Variants in PKD2L2 observed in about 807,000 individuals in gnomAD.
PKD2L2 encodes the protein polycystin 2 like 2, transient receptor potential cation channel.
Under a neutral mutation model 83.9 loss-of-function variants are expected in PKD2L2, and 67 were observed. The ratio of observed to expected loss-of-function variants is 0.80; its 90% confidence interval spans 0.66 to 0.98. The LOEUF is 0.98. Ranked by LOEUF, PKD2L2 falls within the 50% of genes least tolerant of loss-of-function variation. PKD2L2 has a pLI of 0.00. For missense variants in PKD2L2, 632 were observed against 717.2 expected, an observed-to-expected ratio of 0.88 and a Z score of 1.36; for synonymous variants, 223 against 237.8, an observed-to-expected ratio of 0.94 and a Z score of 0.57.
intron 4 of PKD2L2, among the ~76,000 whole-genome samples, chr5:137,897,276 C>T (rs1189556696): frequency 1.8e-4 from 27 of 151,754 alleles, no homozygotes; most frequent in African/African-American, 6.5e-4. Flanking sequence ...AGGCTGGTCT[C>T]GAACTCCTGG....
At chr5:137,941,914 G>T in intron 14 of PKD2L2, 2 of 1,543,214 alleles carry the variant, frequency 1.3e-6, no homozygotes, top group Non-Finnish European at 1.8e-6. Flanking sequence ...AGAGAAGAAA[G>T]ATGACTCAAT....
intron 8 of PKD2L2, among the ~76,000 whole-genome samples, chr5:137,910,254 A>C (rs1757709983): frequency 7.3e-6 from 1 of 137,116 alleles, no homozygotes; most frequent in African/African-American, 2.6e-5. Context: ...AATAATAATA[A>C]TAATAATAAT....
intron 4 of PKD2L2, among the ~76,000 whole-genome samples, chr5:137,898,549 T>C (rs1000887764): frequency 2.6e-5 from 4 of 152,102 alleles, no homozygotes; most frequent in African/African-American, 9.7e-5. Context: ...CAGATGGATT[T>C]TTTTGTTTTT....
chr5:137,938,046 T>C (rs1334674280), intron 14 of PKD2L2: 1 of 152,120 alleles, frequency 6.6e-6, no homozygotes, highest in East Asian at 1.9e-4. Context: ...GACATATATA[T>C]CTATATATTA....
chr5:137,923,117 G>T (rs1055426015), intron 9 of PKD2L2, among the ~76,000 whole-genome samples: 5 of 151,668 alleles, frequency 3.3e-5, no homozygotes, highest in Non-Finnish European at 7.4e-5. Flanking sequence ...CTGGGTTCAA[G>T]AGATTCTCCT....
intron 3 of PKD2L2, among the ~76,000 whole-genome samples, chr5:137,893,091 T>C (rs530717243): frequency 6.6e-6 from 1 of 152,306 alleles, no homozygotes; most frequent in Admixed American, 6.5e-5. Flanking sequence ...TTTTTTGATT[T>C]TTTTAGACAT....
intron 14 of PKD2L2, chr5:137,940,205 GA>G: frequency 6.2e-7 from 1 of 1,613,838 alleles, no homozygotes. Flanking sequence ...TTTATGATAT[GA>G]ATTTTCAAGG....
intron 5 of PKD2L2, among the ~76,000 whole-genome samples, chr5:137,905,632 GTGT>G (rs1241069129): frequency 6.6e-6 from 1 of 152,128 alleles, no homozygotes; most frequent in Admixed American, 6.5e-5. Context: ...TTTATATGTA[GTGT>G]TGAATTTAAT....
chr5:137,937,519 G>A (rs962236669), intron 14 of PKD2L2, among the ~76,000 whole-genome samples: 3 of 152,196 alleles, frequency 2.0e-5, no homozygotes, highest in Non-Finnish European at 2.9e-5. Context: ...GCCCCCCTAC[G>A]ATAGCCATAT....
intron 10 of PKD2L2, among the ~76,000 whole-genome samples, chr5:137,923,947 C>T (rs1422959695): frequency 1.3e-5 from 2 of 152,176 alleles, no homozygotes; most frequent in Non-Finnish European, 2.9e-5. Flanking sequence ...GCTACACTAT[C>T]CTCTCAAGTC....
intron 12 of PKD2L2, among the ~76,000 whole-genome samples, chr5:137,928,332 G>A (rs1269988493): frequency 1.4e-5 from 2 of 139,816 alleles, no homozygotes; most frequent in African/African-American, 5.3e-5. Flanking sequence ...GAGCCCAGTA[G>A]TTTGAGACCA....
chr5:137,892,448 TA>T, intron 2 of PKD2L2, 31 bp from the exon 3 acceptor site: 1 of 1,288,112 alleles, frequency 7.8e-7, no homozygotes, highest in Non-Finnish European at 1.0e-6. Flanking sequence ...TTTTTAAATG[TA>T]AATTATTAAA....
intron 9 of PKD2L2, among the ~76,000 whole-genome samples, chr5:137,922,817 GTATA>G (rs1289890496): frequency 1.3e-5 from 2 of 152,112 alleles, no homozygotes; most frequent in East Asian, 1.9e-4. Flanking sequence ...ATTAATTTGT[GTATA>G]TATAACCAGT....
At chr5:137,930,235 GAAA>G in intron 12 of PKD2L2, among the ~76,000 whole-genome samples, 1 of 151,988 alleles carries the variant, frequency 6.6e-6, no homozygotes, top group South Asian at 2.1e-4. Flanking sequence ...GGGCCACAAG[GAAA>G]TCCTCAATAC....
intron 14 of PKD2L2, chr5:137,939,456 G>A (rs1211864067): frequency 6.5e-6 from 1 of 152,848 alleles, no homozygotes; most frequent in African/African-American, 2.4e-5. Flanking sequence ...TCACACCATT[G>A]CCAGCGGATA....
At chr5:137,910,081 C>A (rs1757689257) in intron 8 of PKD2L2, among the ~76,000 whole-genome samples, 1 of 151,904 alleles carries the variant, frequency 6.6e-6, no homozygotes, top group Admixed American at 6.6e-5. Context: ...AAACAACTAG[C>A]TGGATGTGGT....
At chr5:137,937,248 A>T (rs1179127965) in intron 14 of PKD2L2, among the ~76,000 whole-genome samples, 1 of 152,206 alleles carries the variant, frequency 6.6e-6, no homozygotes, top group Non-Finnish European at 1.5e-5. Flanking sequence ...AAAGTGTAGA[A>T]CAAACTCCCC....
intron 2 of PKD2L2, among the ~76,000 whole-genome samples, 190 bp from the exon 3 acceptor site, chr5:137,892,290 A>G (rs115257227): frequency 0.011 from 1,664 of 152,316 alleles, 29 homozygotes; most frequent in African/African-American, 0.038. Flanking sequence ...TCTGAAGAAT[A>G]TTTGCCAGAC....
chr5:137,926,821 C>T (rs1173188921), intron 12 of PKD2L2, among the ~76,000 whole-genome samples: 5 of 152,074 alleles, frequency 3.3e-5, no homozygotes, highest in African/African-American at 4.8e-5. Flanking sequence ...TTAGTATTTG[C>T]GGGCTAAGGA....
Sources: gnomAD v4.1 joint callset for allele counts (sites outside exome capture counted in the v4.1 genomes callset) on GRCh38, gnomAD v4.1.1 for gene constraint, MANE v1.5 for transcripts, NCBI Gene and HGNC (gene_info 2026-07-23, HGNC 2026-07-21) for gene names.